NEK11: variants seen among roughly 807,000 people sequenced by gnomAD.
The protein encoded by NEK11 is NIMA related kinase 11.
Under a neutral mutation model 80.7 loss-of-function variants are expected in NEK11, and 72 were observed. The ratio of observed to expected loss-of-function variants is 0.89; its 90% CI spans 0.74 to 1.08. The LOEUF is 1.08. Ranked by LOEUF, NEK11 falls within the 50% of genes least tolerant of loss-of-function variation. The probability of loss-of-function intolerance (pLI) is 0.00; values close to 1 mark genes in which losing one functional copy is unlikely to be tolerated. For missense variants in NEK11, 764 were observed against 763.6 expected (o/e 1.00, Z -0.01); for synonymous variants, 251 against 260.7 (o/e 0.96, Z 0.36).
At chr3:131,055,017 C>G (rs1323272210) in intron 3 of NEK11, among the ~76,000 whole-genome samples, 1 of 152,098 alleles carries the variant, frequency 6.6e-6, no homozygotes, top group Non-Finnish European at 1.5e-5. Context: ...TAGCCTCAGG[C>G]AAGCAAGGCT....
In NEK11 at chr3:131,317,775, A is replaced by G. The variant is rs868343356; in HGVS notation, c.1719-31782A>G. ...CTACCCCCACCCAAGAAGAAGGAGA[A>G]GGAGGAGGAGGAGGAGGAGAGAAGG... On this transcript the variant is annotated intron_variant, in intron 17 of 17. Transcript: ENST00000383366. Among the ~76,000 whole-genome samples, 9 of 15,758 alleles carry G rather than the reference A, an allele frequency of 5.7e-4. 1 individual carries two copies. The Middle Eastern group carries it at 0.079, about 138-fold the overall frequency. 10.3% of individuals were successfully genotyped at this position (15,758 alleles called of 152,430 possible). A position where few individuals can be genotyped will look rare whatever the true frequency, so the allele number is the denominator to read the frequency against.
chr3:131,124,791 G>A (rs1209430855), intron 5 of NEK11, among the ~76,000 whole-genome samples: 1 of 152,170 alleles, frequency 6.6e-6, no homozygotes, highest in Non-Finnish European at 1.5e-5. Flanking sequence ...GTAGAAAATA[G>A]TTATTAAATA....
chr3:131,291,364 A>G (rs1407483008), intron 17 of NEK11, among the ~76,000 whole-genome samples: 1 of 152,170 alleles, frequency 6.6e-6, no homozygotes, highest in Non-Finnish European at 1.5e-5. Context: ...AAGTTTTGAC[A>G]ACTATAAATA....
chr3:131,304,744 G>A (rs2096704755), intron 17 of NEK11, among the ~76,000 whole-genome samples: 1 of 152,266 alleles, frequency 6.6e-6, no homozygotes, highest in Non-Finnish European at 1.5e-5. Flanking sequence ...GCTGCACTAG[G>A]GGGGTGTTGA....
At chr3:131,209,143 A>G (rs2094533605) in intron 14 of NEK11, among the ~76,000 whole-genome samples, 1 of 152,174 alleles carries the variant, frequency 6.6e-6, no homozygotes, top group Admixed American at 6.5e-5. Context: ...CGTCCCATCA[A>G]TACCTAGCTT....
chr3:131,149,953 T>C (rs977686833), intron 7 of NEK11, among the ~76,000 whole-genome samples: 2 of 152,060 alleles, frequency 1.3e-5, no homozygotes, highest in East Asian at 1.9e-4. Flanking sequence ...TTTTGTAATA[T>C]ATGCATTTAA....
chr3:131,306,685 G>A (rs2096727104), intron 17 of NEK11, among the ~76,000 whole-genome samples: 1 of 152,210 alleles, frequency 6.6e-6, no homozygotes, highest in Non-Finnish European at 1.5e-5. Context: ...AGAGCGCACT[G>A]ACATAGTTCA....
intron 17 of NEK11, among the ~76,000 whole-genome samples, chr3:131,287,526 G>A (rs144189988): frequency 1.3e-5 from 2 of 152,198 alleles, no homozygotes; most frequent in African/African-American, 2.4e-5. Context: ...CACCTGCCTC[G>A]GCCTCCCAAA....
chr3:131,065,429 T>G (rs2071735636), intron 3 of NEK11, among the ~76,000 whole-genome samples: 1 of 152,214 alleles, frequency 6.6e-6, no homozygotes, highest in African/African-American at 2.4e-5. Context: ...AATCATTCCT[T>G]GAACTAACTT....
chr3:131,055,801 T>C (rs1305177842), intron 3 of NEK11, among the ~76,000 whole-genome samples: 1 of 152,210 alleles, frequency 6.6e-6, no homozygotes, highest in Admixed American at 6.5e-5. Flanking sequence ...ATCTGGTAAA[T>C]GCTACTTGGT....
At chr3:131,333,454 G>A (rs1384120350) in intron 17 of NEK11, among the ~76,000 whole-genome samples, 1 of 152,032 alleles carries the variant, frequency 6.6e-6, no homozygotes, top group Non-Finnish European at 1.5e-5. Context: ...CCCTAAAAGA[G>A]CTCCTGAAGG....
intron 4 of NEK11, among the ~76,000 whole-genome samples, chr3:131,091,773 A>C (rs2076762872): frequency 1.3e-5 from 2 of 152,246 alleles, no homozygotes; most frequent in Non-Finnish European, 2.9e-5. Flanking sequence ...AATTAAATTT[A>C]CCAAAGTTTA....
intron 14 of NEK11, among the ~76,000 whole-genome samples, chr3:131,193,122 A>G (rs1203174992): frequency 6.6e-6 from 1 of 152,188 alleles, no homozygotes; most frequent in Non-Finnish European, 1.5e-5. Flanking sequence ...TAAATTGCAT[A>G]CTTATCATGA....
chr3:131,256,290 T>C (rs2095815271), intron 16 of NEK11, among the ~76,000 whole-genome samples: 1 of 152,200 alleles, frequency 6.6e-6, no homozygotes, highest in Non-Finnish European at 1.5e-5. Context: ...TTATACAATG[T>C]ATACATTTAT....
chr3:131,252,966 T>G (rs1042936045), intron 16 of NEK11, among the ~76,000 whole-genome samples: 3 of 152,164 alleles, frequency 2.0e-5, no homozygotes, highest in African/African-American at 7.2e-5. Context: ...CTTCCTAGAT[T>G]TTTTTCCTCT....
chr3:131,100,023 C>T (rs2078128187), intron 4 of NEK11, among the ~76,000 whole-genome samples: 1 of 152,082 alleles, frequency 6.6e-6, no homozygotes, highest in Admixed American at 6.6e-5. Flanking sequence ...GAGTGGGCAC[C>T]CTCATCTTGT....
At chr3:131,105,329 T>G (rs113792430) in intron 4 of NEK11, among the ~76,000 whole-genome samples, 2,149 of 152,302 alleles carry the variant, frequency 0.014, 45 homozygotes, top group African/African-American at 0.049. Flanking sequence ...TTTCCCTTCA[T>G]AGTGTTTTTG....
chr3:131,087,021 A>G (rs1185268194), intron 4 of NEK11, among the ~76,000 whole-genome samples: 2 of 152,124 alleles, frequency 1.3e-5, no homozygotes, highest in East Asian at 3.8e-4. Flanking sequence ...AGGGATTTGA[A>G]ATAATGAATG....
rs368348176 is a variant in NEK11 at position 131,228,708 on chromosome 3, G to A, written c.1560+20G>A. On this transcript the variant is annotated intron_variant, in intron 15 of 17. Coordinates refer to ENST00000383366, the MANE Select transcript of NEK11 (RefSeq NM_024800.5). ...CAACAGGTATGTAATGCTCCCTGTC[G>A]GAAGCCATGGAACTGTTCAAGGTAC... The A allele has an allele frequency of 1.8e-4, 283 of 1,604,998 alleles. No homozygotes were observed. Among genetic ancestry groups the A allele is most frequent in the Non-Finnish European group, 2.2e-4 (259 of 1,175,414 alleles).
Sources: gnomAD v4.1 joint callset for allele counts (sites outside exome capture counted in the v4.1 genomes callset) on GRCh38, gnomAD v4.1.1 for gene constraint, MANE v1.5 for transcripts, NCBI Gene and HGNC (gene_info 2026-07-23, HGNC 2026-07-21) for gene names.